ROBO1: variants seen among roughly 807,000 people sequenced by gnomAD.
ROBO1 encodes roundabout homolog 1.
A neutral mutation model predicts 195.9 loss-of-function variants in ROBO1; 149 were observed. The observed-to-expected ratio is 0.76, with a 90% confidence interval of 0.67 to 0.87. ROBO1 has a LOEUF of 0.87. ROBO1 is among the 40% of genes least tolerant of loss of function. ROBO1 has a pLI of 0.00. For synonymous variants in ROBO1, 816 were observed against 733.2 expected, an observed-to-expected ratio of 1.11 and a Z score of -1.82; for missense variants, 1,933 against 2,068.3, an observed-to-expected ratio of 0.93 and a Z score of 1.27.
intron 3 of ROBO1, among the ~76,000 whole-genome samples, chr3:79,008,599 ATT>A (rs568148350): frequency 6.7e-6 from 1 of 148,306 alleles, no homozygotes. Context: ...GTATACGTGC[ATT>A]TTTTTTTTGA....
At chr3:79,668,340 T>G (rs946063960) in intron 1 of ROBO1, among the ~76,000 whole-genome samples, 5 of 146,908 alleles carry the variant, frequency 3.4e-5, no homozygotes, top group African/African-American at 1.0e-4. Context: ...AAACATGGTG[T>G]TTTTTTTTGT....
At chr3:78,677,288 A>C (rs2107764893) in intron 10 of ROBO1, among the ~76,000 whole-genome samples, 1 of 152,328 alleles carries the variant, frequency 6.6e-6, no homozygotes, top group East Asian at 1.9e-4. Context: ...TAACCATCTA[A>C]CATCATAATG....
intron 2 of ROBO1, among the ~76,000 whole-genome samples, chr3:79,235,767 A>G (rs1160127011): frequency 1.3e-5 from 2 of 152,082 alleles, no homozygotes; most frequent in African/African-American, 2.4e-5. Flanking sequence ...AAATCTCCAT[A>G]TCAGAGTCTG....
At chr3:78,986,689 G>T (rs1490619974) in intron 3 of ROBO1, among the ~76,000 whole-genome samples, 1 of 152,122 alleles carries the variant, frequency 6.6e-6, no homozygotes, top group African/African-American at 2.4e-5. Context: ...ATTTTGATCT[G>T]AAGAACATGT....
intron 2 of ROBO1, among the ~76,000 whole-genome samples, chr3:79,319,788 C>T (rs571003362): frequency 3.9e-5 from 6 of 151,944 alleles, no homozygotes; most frequent in Non-Finnish European, 8.8e-5. Context: ...ATAAAAAATG[C>T]CTACCATAAC....
chr3:79,397,293 C>CTACA (rs925889257), intron 2 of ROBO1, among the ~76,000 whole-genome samples: 3 of 151,476 alleles, frequency 2.0e-5, no homozygotes, highest in Non-Finnish European at 4.4e-5. Flanking sequence ...ATTAAGTAGA[C>CTACA]TACATCTAAG....
chr3:79,668,442 A>C (rs1473345469), intron 1 of ROBO1, among the ~76,000 whole-genome samples: 3 of 151,232 alleles, frequency 2.0e-5, no homozygotes, highest in Non-Finnish European at 4.4e-5. Flanking sequence ...AAAACAGTGA[A>C]AGAATAAATA....
rs546799989 is a variant in ROBO1 at position 78,959,714 on chromosome 3, T to G, written c.173-20787A>C. 9.2e-5 allele frequency among the ~76,000 whole-genome samples: 14 copies of G among 152,300 alleles called. No individual in the cohort carries two copies. The South Asian group carries it at 2.7e-3, about 29-fold the overall frequency. Reference sequence around the variant, plus strand: ...AAAAGTTTTGTAAATTCACCCACTATGTGATCAACAAGAGATATATGCCAT... The same window carrying G: ...AAAAGTTTTGTAAATTCACCCACTAGGTGATCAACAAGAGATATATGCCAT... On this transcript the variant is annotated intron_variant, in intron 3 of 30. Transcript: ENST00000464233.
rs756727746 is a variant in ROBO1 at position 79,765,670 on chromosome 3, C to T, written c.-51+2082G>A. On this transcript the variant is annotated intron_variant, in intron 1 of 30. Transcript: ENST00000464233. ...AACTTTTTTTTGTAATTATTATATC[C>T]TAGTTCCCAAACAACCACAGTAAAG... 2.6e-5 allele frequency among the ~76,000 whole-genome samples: 4 copies of T among 152,078 alleles called. No homozygotes were observed. The East Asian group carries it at 5.8e-4, about 22-fold the overall frequency.
At chr3:79,393,067 C>G (rs1001273890) in intron 2 of ROBO1, among the ~76,000 whole-genome samples, 6 of 152,160 alleles carry the variant, frequency 3.9e-5, no homozygotes, top group Admixed American at 3.9e-4. Context: ...CATTCAAGAC[C>G]TTTCCTCTCT....
At chr3:79,497,098 G>A (rs879449251) in intron 2 of ROBO1, among the ~76,000 whole-genome samples, 7 of 152,184 alleles carry the variant, frequency 4.6e-5, no homozygotes, top group Non-Finnish European at 1.0e-4. Context: ...AGAGAGGACA[G>A]GCTGTAGTTA....
rs146747051 is a variant in ROBO1, at chr3:79,251,620, G to A, written c.89-126081C>T. ...ACAAAAATTAGCTGGGCATGGTGGC[G>A]GACGCCTGCAGTCCCAGCTACTCGG... On this transcript the variant is annotated intron_variant, in intron 2 of 30. Coordinates refer to ENST00000464233, the MANE Select transcript of ROBO1 (RefSeq NM_002941.4). Among the ~76,000 whole-genome samples the A allele has an allele frequency of 8.6e-3, 1,304 of 152,074 alleles. 22 individuals are homozygous for A. Among genetic ancestry groups the A allele is most frequent in the African/African-American group, 0.027 (1,115 of 41,476 alleles).
chr3:79,046,668 G>A (rs1262972842), intron 3 of ROBO1, among the ~76,000 whole-genome samples: 1 of 151,986 alleles, frequency 6.6e-6, no homozygotes, highest in Non-Finnish European at 1.5e-5. Context: ...GGGAGGCTAG[G>A]TCTGTCTCTC....
chr3:79,557,256 G>A (rs1481375398), intron 2 of ROBO1, among the ~76,000 whole-genome samples: 1 of 151,898 alleles, frequency 6.6e-6, no homozygotes, highest in African/African-American at 2.4e-5. Flanking sequence ...AAATTAAGAA[G>A]TAACAAAGAA....
At chr3:78,687,643 G>A (rs2081080192) in intron 9 of ROBO1, among the ~76,000 whole-genome samples, 1 of 152,256 alleles carries the variant, frequency 6.6e-6, no homozygotes, top group South Asian at 2.1e-4. Flanking sequence ...CTTATTTTCT[G>A]AGACAGGTTC....
chr3:78,638,302 T>TACATATATGTGTGTATATATATACAC (rs1705682650), intron 22 of ROBO1, among the ~76,000 whole-genome samples: 3 of 148,692 alleles, frequency 2.0e-5, no homozygotes, highest in Non-Finnish European at 3.0e-5. Context: ...TGTATATACA[T>TACATATATGTGTGTATATATATACAC]ACATATATGT....
intron 2 of ROBO1, among the ~76,000 whole-genome samples, chr3:79,414,362 A>C (rs2037911354): frequency 1.3e-5 from 2 of 152,110 alleles, no homozygotes; most frequent in Non-Finnish European, 1.5e-5. Flanking sequence ...TGTACATGAA[A>C]GAAAATTGTC....
At chr3:78,746,445 T>G (rs2082658328) in intron 5 of ROBO1, among the ~76,000 whole-genome samples, 1 of 152,170 alleles carries the variant, frequency 6.6e-6, no homozygotes, top group African/African-American at 2.4e-5. Flanking sequence ...ATGGAAATTT[T>G]ATAAGCCCTG....
At chr3:79,633,970 A>G (rs925470166) in intron 1 of ROBO1, among the ~76,000 whole-genome samples, 1 of 152,178 alleles carries the variant, frequency 6.6e-6, no homozygotes, top group Non-Finnish European at 1.5e-5. Flanking sequence ...AGAGAAAAAA[A>G]GGAGCCAAGT....
Sources: gnomAD v4.1 joint callset for allele counts (sites outside exome capture counted in the v4.1 genomes callset) on GRCh38, gnomAD v4.1.1 for gene constraint, MANE v1.5 for transcripts, NCBI Gene and HGNC (gene_info 2026-07-23, HGNC 2026-07-21) for gene names.